GNB4: variants seen among roughly 807,000 people sequenced by gnomAD.
GNB4 encodes G protein subunit beta 4.
A neutral mutation model predicts 45.2 loss-of-function variants in GNB4; 28 were observed. That is an observed-to-expected ratio of 0.62 (90% CI 0.46 to 0.85). GNB4 has a LOEUF of 0.85. GNB4 is among the 40% of genes least tolerant of loss of function. The pLI is 0.00. For missense variants in GNB4, 321 were observed against 425.4 expected (o/e 0.75, Z 2.16); for synonymous variants, 132 against 143.7 (o/e 0.92, Z 0.58).
In GNB4 at chr3:179,397,073, T is replaced by TA. The variant is rs1183857765; in HGVS notation, c.*4139dup. The stretch of plus-strand genomic sequence containing the variant: ...GAATTTGAACATAATATTTAATTTT[T>TA]AAAAAAATTCAGCCTGACTCCGACC... On this transcript the variant is annotated 3_prime_UTR_variant, in exon 10 of 10. Transcript: ENST00000232564. 6.6e-6 allele frequency: 1 copy of TA among 152,188 alleles called. No homozygotes were observed. The highest frequency in any genetic ancestry group is 1.5e-5 in the Non-Finnish European group (1 of 68,020). The allele number at this position is 152,188 out of a possible 1,614,324, so 9.4% of individuals were successfully genotyped here. A position where few individuals can be genotyped will look rare whatever the true frequency, so the allele number is the denominator to read the frequency against.
chr3:179,501,595 G>C, the GNB4 span, among the ~76,000 whole-genome samples: 1 of 152,030 alleles, frequency 6.6e-6, no homozygotes, highest in African/African-American at 2.4e-5. Flanking sequence ...AAAGTGCTGG[G>C]ATTACAGGCA....
intron 1 of GNB4, among the ~76,000 whole-genome samples, chr3:179,443,876 A>G (rs1258958690): frequency 6.6e-6 from 1 of 152,200 alleles, no homozygotes; most frequent in African/African-American, 2.4e-5. Flanking sequence ...CTCGGAATCT[A>G]TCATTCAAAG....
At chr3:179,502,412 T>C in the GNB4 span, among the ~76,000 whole-genome samples, 5 of 151,942 alleles carry the variant, frequency 3.3e-5, no homozygotes, top group Non-Finnish European at 5.9e-5. Context: ...TTTTGTATTT[T>C]AGTAGAGACA....
the GNB4 span, among the ~76,000 whole-genome samples, chr3:179,502,852 T>G: frequency 6.6e-6 from 1 of 152,222 alleles, no homozygotes; most frequent in Non-Finnish European, 1.5e-5. Flanking sequence ...TTAATTTACT[T>G]TTTTAGAGAT....
At chr3:179,482,311 T>C in the GNB4 span, among the ~76,000 whole-genome samples, 3 of 152,182 alleles carry the variant, frequency 2.0e-5, no homozygotes, top group Non-Finnish European at 4.4e-5. Flanking sequence ...AGAGGGAAGA[T>C]AGGCATACAT....
chr3:179,468,031 T>TTAAA, the GNB4 span, among the ~76,000 whole-genome samples: 837 of 66,816 alleles, frequency 0.013, 41 homozygotes, highest in East Asian at 0.022. Context: ...ATTTTGTTGA[T>TTAAA]AAAAATATAT....
rs971789806 is a variant in GNB4, at chr3:179,400,221, T to G, written c.*992A>C. On this transcript the variant is annotated 3_prime_UTR_variant, in exon 10 of 10. Coordinates refer to ENST00000232564, the MANE Select transcript of GNB4 (RefSeq NM_021629.4). ...GCAAACATGAAATAAACCACCGTAT[T>G]ACAACAAATATGTGCTAGCGATTGG... 2 of 152,244 alleles carry G rather than the reference T, an allele frequency of 1.3e-5. No homozygotes were observed. The highest frequency in any genetic ancestry group is 4.8e-5 in the African/African-American group (2 of 41,456). 9.4% of individuals were successfully genotyped at this position (152,244 alleles called of 1,614,324 possible). A position where few individuals can be genotyped will look rare whatever the true frequency, so the allele number is the denominator to read the frequency against.
intron 2 of GNB4, among the ~76,000 whole-genome samples, chr3:179,425,616 G>A (rs918521127): frequency 1.3e-5 from 2 of 151,538 alleles, no homozygotes; most frequent in Non-Finnish European, 2.9e-5. Flanking sequence ...GATTACAGGT[G>A]TGCACCACCA....
At chr3:179,457,955 A>G in the GNB4 span, among the ~76,000 whole-genome samples, 1 of 147,768 alleles carries the variant, frequency 6.8e-6, no homozygotes, top group Non-Finnish European at 1.5e-5. Context: ...CCCAGGCTGG[A>G]GTGCAGTGGC....
chr3:179,404,101 G>T (rs2108578476), intron 9 of GNB4, among the ~76,000 whole-genome samples: 1 of 152,084 alleles, frequency 6.6e-6, no homozygotes, highest in Non-Finnish European at 1.5e-5. Flanking sequence ...TTAGTGAGAA[G>T]CACATAGAAA....
At chr3:179,500,216 G>A in the GNB4 span, among the ~76,000 whole-genome samples, 1 of 152,162 alleles carries the variant, frequency 6.6e-6, no homozygotes, top group Non-Finnish European at 1.5e-5. Flanking sequence ...ATGTTTTTAG[G>A]TCTTACATTT....
intron 8 of GNB4, among the ~76,000 whole-genome samples, chr3:179,411,862 T>C (rs985060085): frequency 6.6e-6 from 1 of 152,226 alleles, no homozygotes; most frequent in Non-Finnish European, 1.5e-5. Context: ...TTAGAATGTT[T>C]CTCAAACATT....
chr3:179,401,834 A>G (rs1714311839), intron 9 of GNB4, among the ~76,000 whole-genome samples: 1 of 152,188 alleles, frequency 6.6e-6, no homozygotes, highest in South Asian at 2.1e-4. Flanking sequence ...CTAATCACCA[A>G]ACTCTGGAAT....
the GNB4 span, among the ~76,000 whole-genome samples, chr3:179,492,099 C>A: frequency 6.6e-6 from 1 of 152,162 alleles, no homozygotes; most frequent in African/African-American, 2.4e-5. Flanking sequence ...CTCTCATCTC[C>A]CAGAGTTTTG....
At chr3:179,443,557 T>C (rs1398989709) in intron 1 of GNB4, among the ~76,000 whole-genome samples, 6 of 152,102 alleles carry the variant, frequency 3.9e-5, no homozygotes, top group African/African-American at 1.4e-4. Context: ...TAAAATATCT[T>C]AAAGTTACCA....
At chr3:179,510,742 C>CACTAAT in the GNB4 span, among the ~76,000 whole-genome samples, 2 of 152,134 alleles carry the variant, frequency 1.3e-5, no homozygotes, top group East Asian at 1.9e-4. Flanking sequence ...TCTTTGCACA[C>CACTAAT]GTTTGCCTTG....
At chr3:179,457,771 G>A in the GNB4 span, among the ~76,000 whole-genome samples, 1 of 152,176 alleles carries the variant, frequency 6.6e-6, no homozygotes, top group African/African-American at 2.4e-5. Context: ...GATAGTCAAC[G>A]TGGGGTGGAA....
chr3:179,475,980 T>C, the GNB4 span, among the ~76,000 whole-genome samples: 2 of 152,206 alleles, frequency 1.3e-5, no homozygotes, highest in Non-Finnish European at 2.9e-5. Flanking sequence ...ACTCATACAA[T>C]ATACCTTCAC....
Position 179,401,090 on chromosome 3 carries a change from T to C in GNB4, c.*123A>G. ...TTTGGTAGTTTACTGAAAGCTTGTT[T>C]TTGTAGATAATCTAATAGAAAAATC... On this transcript the variant is annotated 3_prime_UTR_variant, in exon 10 of 10. Transcript: ENST00000232564. The C allele has an allele frequency of 1.7e-6, 1 of 593,644 alleles. No homozygotes were observed. The highest frequency in any genetic ancestry group is 2.7e-6 in the Non-Finnish European group (1 of 375,728). 36.8% of individuals were successfully genotyped at this position (593,644 alleles called of 1,614,324 possible). A position where few individuals can be genotyped will look rare whatever the true frequency, so the allele number is the denominator to read the frequency against.
Sources: gnomAD v4.1 joint callset for allele counts (sites outside exome capture counted in the v4.1 genomes callset) on GRCh38, gnomAD v4.1.1 for gene constraint, MANE v1.5 for transcripts, NCBI Gene and HGNC (gene_info 2026-07-23, HGNC 2026-07-21) for gene names.